The following CDH12 variants were observed in gnomAD, a reference collection of about 807,000 sequenced individuals.
CDH12 encodes cadherin-12.
Under a neutral mutation model 74.1 loss-of-function variants are expected in CDH12, and 41 were observed. The ratio of observed to expected loss-of-function variants is 0.55; its 90% CI spans 0.43 to 0.72. CDH12 has a LOEUF of 0.72. Among genes scored for constraint, CDH12 ranks in the 30% least tolerant of loss-of-function variants. CDH12 has a pLI of 0.00. For synonymous variants in CDH12, 399 were observed against 355.0 expected (o/e 1.12, Z -1.39); for missense variants, 945 against 977.2 (o/e 0.97, Z 0.44).
chr5:22,574,758 T>C (rs1256888159), intron 1 of CDH12, among the ~76,000 whole-genome samples: 1 of 152,172 alleles, frequency 6.6e-6, no homozygotes, highest in Non-Finnish European at 1.5e-5. Flanking sequence ...CGGAATCATA[T>C]TGTGGGTTTC....
rs1033848471 is a variant in CDH12, at chr5:22,472,133, G to C, written c.-428+33137C>G. ...ACTAGAAACATTATCACATATCAGG[G>C]GTAATCAGATACTATGGGTGGGAGT... is the stretch of plus-strand genomic sequence containing the variant. On this transcript the variant is annotated intron_variant, in intron 2 of 14. Coordinates refer to ENST00000382254, the MANE Select transcript of CDH12 (RefSeq NM_004061.5). Among the ~76,000 whole-genome samples, 11 of 152,036 alleles carry C rather than the reference G, an allele frequency of 7.2e-5. No individual in the cohort carries two copies. In the East Asian group the frequency reaches 2.1e-3, roughly 29 times the overall value.
At chr5:22,579,443 C>G (rs114214587) in intron 1 of CDH12, among the ~76,000 whole-genome samples, 1 of 152,038 alleles carries the variant, frequency 6.6e-6, no homozygotes, top group Non-Finnish European at 1.5e-5. Flanking sequence ...AGTTCCCTCA[C>G]TAATGTGTAT....
chr5:22,703,427 T>A (rs1742822274), intron 1 of CDH12, among the ~76,000 whole-genome samples: 1 of 152,188 alleles, frequency 6.6e-6, no homozygotes, highest in South Asian at 2.1e-4. Context: ...ATAACTTTTT[T>A]AAGTGAATTT....
intron 3 of CDH12, among the ~76,000 whole-genome samples, chr5:22,343,283 T>TACACACACACACACACACACACACAC (rs70959717): frequency 2.2e-5 from 2 of 92,588 alleles, no homozygotes; most frequent in Non-Finnish European, 4.4e-5. Context: ...ACATAAACCC[T>TACACACACACACACACACACACACAC]ACACACACAC....
chr5:22,718,008 G>T (rs182758929), intron 1 of CDH12, among the ~76,000 whole-genome samples: 1 of 152,050 alleles, frequency 6.6e-6, no homozygotes, highest in Non-Finnish European at 1.5e-5. Flanking sequence ...AGTACAGCCC[G>T]AGAATCAGCT....
chr5:21,935,722 T>C (rs1219722927), intron 6 of CDH12, among the ~76,000 whole-genome samples: 1 of 152,234 alleles, frequency 6.6e-6, no homozygotes, highest in African/African-American at 2.4e-5. Flanking sequence ...TACCTATTAG[T>C]CTGCCCCGCT....
chr5:22,750,260 A>G (rs1202683278), intron 1 of CDH12, among the ~76,000 whole-genome samples: 2 of 152,190 alleles, frequency 1.3e-5, no homozygotes, highest in Non-Finnish European at 2.9e-5. Flanking sequence ...GACACTAAAA[A>G]GGAAAACTGG....
intron 1 of CDH12, among the ~76,000 whole-genome samples, chr5:22,602,544 A>G (rs1736901626): frequency 6.6e-6 from 1 of 152,138 alleles, no homozygotes; most frequent in African/African-American, 2.4e-5. Context: ...AGCCTCGTAT[A>G]GAATGAAACC....
intron 1 of CDH12, among the ~76,000 whole-genome samples, chr5:22,843,793 A>G (rs1299427426): frequency 3.9e-5 from 6 of 152,104 alleles, no homozygotes; most frequent in Non-Finnish European, 7.4e-5. Context: ...TACAGAATTA[A>G]AAAGAAAACA....
intron 2 of CDH12, among the ~76,000 whole-genome samples, chr5:22,496,162 A>G (rs186227365): frequency 5.9e-4 from 90 of 152,310 alleles, no homozygotes; most frequent in African/African-American, 1.9e-3. Flanking sequence ...AGGCCATTCA[A>G]CATGAATCCT....
At chr5:22,584,297 A>T (rs1479277362) in intron 1 of CDH12, among the ~76,000 whole-genome samples, 1 of 152,038 alleles carries the variant, frequency 6.6e-6, no homozygotes, top group African/African-American at 2.4e-5. Context: ...ACGGGGTTTC[A>T]CCATGTTGAT....
intron 2 of CDH12, among the ~76,000 whole-genome samples, chr5:22,496,076 T>C (rs1303934806): frequency 1.3e-5 from 2 of 152,150 alleles, no homozygotes; most frequent in Non-Finnish European, 1.5e-5. Flanking sequence ...TTTCATGTTG[T>C]AGGTGAAAGA....
At chr5:22,257,289 G>C (rs1404433895) in intron 3 of CDH12, among the ~76,000 whole-genome samples, 1 of 151,854 alleles carries the variant, frequency 6.6e-6, no homozygotes, top group Non-Finnish European at 1.5e-5. Flanking sequence ...GTTCACCTAT[G>C]TAACAAACCT....
intron 3 of CDH12, among the ~76,000 whole-genome samples, chr5:22,252,044 T>C (rs1753154005): frequency 6.6e-6 from 1 of 152,066 alleles, no homozygotes; most frequent in Non-Finnish European, 1.5e-5. Flanking sequence ...GGTATCTAAA[T>C]ACATTGAATT....
chr5:22,350,757 T>TATA (rs1740325132), intron 3 of CDH12, among the ~76,000 whole-genome samples: 1 of 152,320 alleles, frequency 6.6e-6, no homozygotes, highest in East Asian at 1.9e-4. Flanking sequence ...AGTGGCTAGG[T>TATA]ATATGGTCAG....
At chr5:22,518,985 C>T (rs1013842243) in intron 1 of CDH12, among the ~76,000 whole-genome samples, 1 of 152,148 alleles carries the variant, frequency 6.6e-6, no homozygotes, top group African/African-American at 2.4e-5. Context: ...ATGGGGTGAC[C>T]TCCTGGTACC....
intron 4 of CDH12, among the ~76,000 whole-genome samples, chr5:22,205,550 G>T (rs1248006533): frequency 2.6e-5 from 4 of 151,904 alleles, no homozygotes; most frequent in Admixed American, 6.6e-5. Context: ...ATTGTTTATA[G>T]ATTTTAGCAA....
intron 3 of CDH12, among the ~76,000 whole-genome samples, chr5:22,221,600 C>T (rs1752016862): frequency 1.3e-5 from 2 of 151,720 alleles, no homozygotes; most frequent in Non-Finnish European, 2.9e-5. Context: ...TTCATGCTCC[C>T]GCTAGTAATA....
Position 22,105,039 on chromosome 5 carries a change from C to G in CDH12, c.-186-26177G>C, listed in dbSNP as rs752294924. On this transcript the variant is annotated intron_variant, in intron 4 of 14. Coordinates refer to ENST00000382254, the MANE Select transcript of CDH12 (RefSeq NM_004061.5). ...CTCATACACGATATGCTCCCTGTGACTTCACATCATCTTTCCCTGCGCGTA... is the reference window on the plus strand; with the variant it reads ...CTCATACACGATATGCTCCCTGTGAGTTCACATCATCTTTCCCTGCGCGTA... Among the ~76,000 whole-genome samples, 18 of 152,050 alleles carry G rather than the reference C, an allele frequency of 1.2e-4. No individual in the cohort carries two copies. The South Asian group carries it at 1.2e-3, about 11-fold the overall frequency.
Sources: allele counts gnomAD v4.1 joint callset (sites outside exome capture counted in the v4.1 genomes callset), GRCh38; gene constraint gnomAD v4.1.1; transcripts MANE v1.5; gene names NCBI Gene and HGNC (gene_info 2026-07-23, HGNC 2026-07-21).